FHL2: variants seen among roughly 807,000 people sequenced by gnomAD.
The protein encoded by FHL2 is four and a half LIM domains protein 2.
FHL2 carries 20 observed loss-of-function variants against 32.7 expected under a neutral mutation model. The ratio of observed to expected loss-of-function variants is 0.61; its 90% CI spans 0.43 to 0.89. The LOEUF (loss-of-function observed/expected upper bound fraction) is 0.89, where lower values mean the gene tolerates loss of function less well. Among genes scored for constraint, FHL2 ranks in the 40% least tolerant of loss-of-function variants. FHL2 has a pLI of 0.00. For missense variants in FHL2, 311 were observed against 358.6 expected (o/e 0.87, Z 1.07); for synonymous variants, 123 against 128.1 (o/e 0.96, Z 0.27).
intron 3 of FHL2, among the ~76,000 whole-genome samples, chr2:105,382,739 T>C (rs1233298289): frequency 2.0e-5 from 3 of 152,204 alleles, no homozygotes; most frequent in African/African-American, 7.2e-5. Flanking sequence ...TGGGTGGGTA[T>C]GGTGGCCAGT....
chr2:105,392,923 A>G (rs12463638), intron 2 of FHL2, among the ~76,000 whole-genome samples: 131,589 of 149,682 alleles, frequency 0.88, 57,862 homozygotes, highest in Admixed American at 0.92. Context: ...AGGTTCAAGC[A>G]ATTCTCCTGT....
chr2:105,399,593 C>T (rs1294939015), upstream of FHL2: 1 of 1,532,636 alleles, frequency 6.5e-7, no homozygotes, highest in African/African-American at 1.4e-5. Flanking sequence ...AAGGTCCTAT[C>T]CCCACCTCTC....
chr2:105,370,997 C>T (rs1319927738), intron 4 of FHL2, among the ~76,000 whole-genome samples: 1 of 152,156 alleles, frequency 6.6e-6, no homozygotes, highest in African/African-American at 2.4e-5. Context: ...TTGCTTCCCC[C>T]ATTCCTTAGT....
At chr2:105,417,906 G>A (rs1683981507) in intron 1 of FHL2, among the ~76,000 whole-genome samples, 1 of 151,934 alleles carries the variant, frequency 6.6e-6, no homozygotes, top group Non-Finnish European at 1.5e-5. Flanking sequence ...AAGGCACTAG[G>A]AGTCTTCCCA....
intron 1 of FHL2, among the ~76,000 whole-genome samples, chr2:105,430,745 C>T (rs951248073): frequency 2.0e-5 from 3 of 152,214 alleles, no homozygotes; most frequent in Admixed American, 6.5e-5. Context: ...AATTCCCAAA[C>T]CTACCTTGTC....
At chr2:105,424,694 G>A (rs995368948) in intron 1 of FHL2, among the ~76,000 whole-genome samples, 8 of 152,190 alleles carry the variant, frequency 5.3e-5, no homozygotes, top group Non-Finnish European at 8.8e-5. Flanking sequence ...ATACTATGCA[G>A]CCATAAAAAG....
At chr2:105,358,376 C>T (rs1680095214), downstream of FHL2, 1 of 152,328 alleles carries the variant, frequency 6.6e-6, no homozygotes, top group Non-Finnish European at 1.5e-5. Context: ...GATTGCCCCT[C>T]CCAATGTGGA....
intron 1 of FHL2, among the ~76,000 whole-genome samples, chr2:105,411,250 A>G (rs944157023): frequency 2.6e-5 from 4 of 152,354 alleles, no homozygotes; most frequent in African/African-American, 9.6e-5. Context: ...ATTAAAGGTT[A>G]TTAGCACAAT....
chr2:105,435,815 C>T (rs575741945), intron 1 of FHL2, among the ~76,000 whole-genome samples: 1 of 152,206 alleles, frequency 6.6e-6, no homozygotes, highest in East Asian at 1.9e-4. Context: ...GAGTGAGACT[C>T]CTTCTCAAAA....
Position 105,405,983 on chromosome 2 carries a change from C to T in FHL2, c.-24-19443G>A, listed in dbSNP as rs114825361. On this transcript the variant is annotated intron_variant, in intron 1 of 5. Coordinates refer to the FHL2 transcript ENST00000393352. ...GCTAATTGACAATTGAGAATGTCTC[C>T]TGTGGCTAATTCTGCCCCATGGTAC... 2.4e-3 allele frequency among the ~76,000 whole-genome samples: 361 copies of T among 152,320 alleles called. 1 individual carries two copies. Among genetic ancestry groups the T allele is most frequent in the Non-Finnish European group, 4.3e-3 (293 of 68,032 alleles).
intron 3 of FHL2, among the ~76,000 whole-genome samples, chr2:105,376,902 C>T (rs993547922): frequency 1.3e-5 from 2 of 152,012 alleles, no homozygotes; most frequent in Non-Finnish European, 2.9e-5. Context: ...TTAAGTGAAA[C>T]GACAAATCGG....
intron 2 of FHL2, among the ~76,000 whole-genome samples, chr2:105,390,547 C>T (rs925935919): frequency 6.6e-6 from 1 of 152,164 alleles, no homozygotes; most frequent in African/African-American, 2.4e-5. Context: ...CTACAAAGAG[C>T]AGAGAGCATT....
intron 1 of FHL2, among the ~76,000 whole-genome samples, chr2:105,413,350 C>T (rs1047087183): frequency 6.6e-5 from 10 of 152,060 alleles, no homozygotes; most frequent in South Asian, 2.1e-4. Context: ...ACTAACGAAA[C>T]GATTTATTTT....
intron 1 of FHL2, among the ~76,000 whole-genome samples, chr2:105,407,422 A>G (rs1025228904): frequency 1.6e-4 from 25 of 151,804 alleles, no homozygotes; most frequent in African/African-American, 6.0e-4. Flanking sequence ...AGAAGGAAAG[A>G]AAATGCCTAA....
At chr2:105,374,928 T>C (rs1444766020) in intron 3 of FHL2, among the ~76,000 whole-genome samples, 1 of 152,200 alleles carries the variant, frequency 6.6e-6, no homozygotes, top group African/African-American at 2.4e-5. Flanking sequence ...GTAGGTATCC[T>C]GAACAGGGCA....
chr2:105,404,265 C>T lies in FHL2; in HGVS notation c.-24-17725G>A, dbSNP rs183486377. ...TCCCACTCAAACCTTGGCCAGGAAA[C>T]TGGTGGATGATTTGCCCTTGATTCA... is the stretch of plus-strand genomic sequence containing the variant. On this transcript the variant is annotated intron_variant, in intron 1 of 5. Coordinates refer to the FHL2 transcript ENST00000393352. Among the ~76,000 whole-genome samples, 140 of 152,360 alleles carry T rather than the reference C, an allele frequency of 9.2e-4. 1 individual carries two copies. Among genetic ancestry groups the T allele is most frequent in the Non-Finnish European group, 1.7e-3 (115 of 68,038 alleles).
At chr2:105,399,639 A>G (rs1683389997), upstream of FHL2, 3 of 1,503,260 alleles carry the variant, frequency 2.0e-6, no homozygotes, top group Non-Finnish European at 2.6e-6. Flanking sequence ...GACATCTTGG[A>G]TTCCCCTCCA....
chr2:105,371,252 C>A (rs1440111989), intron 4 of FHL2, among the ~76,000 whole-genome samples: 2 of 152,144 alleles, frequency 1.3e-5, no homozygotes, highest in African/African-American at 4.8e-5. Context: ...ATGTGACTAA[C>A]ATCTAAGTCA....
intron 3 of FHL2, 113 bp from the exon 4 acceptor site, chr2:105,373,846 G>A (rs1681275215): frequency 1.0e-6 from 1 of 984,812 alleles, no homozygotes; most frequent in African/African-American, 1.6e-5. Context: ...GTTGGGCCGA[G>A]GCACCCTGGC....
Sources: gnomAD v4.1 joint callset for allele counts (sites outside exome capture counted in the v4.1 genomes callset) on GRCh38, gnomAD v4.1.1 for gene constraint, MANE v1.5 for transcripts, NCBI Gene and HGNC (gene_info 2026-07-23, HGNC 2026-07-21) for gene names.